The following CACNA1C variants were observed in gnomAD, a reference collection of about 807,000 sequenced individuals.
The protein encoded by CACNA1C is voltage-dependent L-type calcium channel subunit alpha-1C.
Under a neutral mutation model 229.0 loss-of-function variants are expected in CACNA1C, and 30 were observed. The observed-to-expected ratio is 0.13, with a 90% CI of 0.10 to 0.18. The LOEUF (loss-of-function observed/expected upper bound fraction) is 0.18, where lower values mean the gene tolerates loss of function less well. CACNA1C is among the 10% of genes least tolerant of loss of function. CACNA1C has a pLI of 1.00. For missense variants in CACNA1C, 1,658 were observed against 2,845.0 expected (o/e 0.58, Z 9.49); for synonymous variants, 1,114 against 1,132.5 (o/e 0.98, Z 0.33).
chr12:2,409,498 A>G (rs759165400), intron 3 of CACNA1C, among the ~76,000 whole-genome samples: 2 of 152,240 alleles, frequency 1.3e-5, no homozygotes, highest in African/African-American at 2.4e-5. Context: ...GCTGATGGAT[A>G]TATTAACCAG....
At chr12:2,565,421 T>G (rs562842646) in intron 11 of CACNA1C, among the ~76,000 whole-genome samples, 2 of 147,666 alleles carry the variant, frequency 1.4e-5, no homozygotes, top group East Asian at 2.0e-4. Context: ...GAGCCGAGAT[T>G]GCGCCACTGC....
chr12:2,025,268 T>C (rs1253283366), intron 1 of CACNA1C, among the ~76,000 whole-genome samples: 3 of 152,228 alleles, frequency 2.0e-5, no homozygotes, highest in African/African-American at 7.2e-5. Flanking sequence ...TCCATGGTTC[T>C]GCGTTCCACA....
intron 3 of CACNA1C, among the ~76,000 whole-genome samples, chr12:2,207,894 G>A (rs2097797515): frequency 6.6e-6 from 1 of 152,112 alleles, no homozygotes; most frequent in African/African-American, 2.4e-5. Flanking sequence ...TTTCGGGAAA[G>A]TCTTATTGAT....
At chr12:2,179,547 A>G (rs2096769307) in intron 3 of CACNA1C, among the ~76,000 whole-genome samples, 1 of 152,170 alleles carries the variant, frequency 6.6e-6, no homozygotes, top group African/African-American at 2.4e-5. Flanking sequence ...AATACTGAAC[A>G]TTGACCCAGA....
chr12:2,664,362 C>A (rs1022682171), intron 34 of CACNA1C, among the ~76,000 whole-genome samples: 1 of 152,142 alleles, frequency 6.6e-6, no homozygotes, highest in Non-Finnish European at 1.5e-5. Context: ...GTTTAACTGG[C>A]AATTCCACTT....
intron 3 of CACNA1C, among the ~76,000 whole-genome samples, chr12:2,131,713 T>C (rs1036674287): frequency 2.0e-5 from 3 of 148,670 alleles, no homozygotes; most frequent in African/African-American, 7.5e-5. Flanking sequence ...TGTAGCCTTG[T>C]AGTAAAGTTT....
At chr12:2,372,395 T>C (rs1327096330) in intron 3 of CACNA1C, among the ~76,000 whole-genome samples, 1 of 152,194 alleles carries the variant, frequency 6.6e-6, no homozygotes, top group East Asian at 1.9e-4. Flanking sequence ...TCTGTTGCCA[T>C]GACGCTGGGG....
chr12:2,027,994 G>A (rs1247416082), intron 1 of CACNA1C, among the ~76,000 whole-genome samples: 1 of 152,178 alleles, frequency 6.6e-6, no homozygotes, highest in Non-Finnish European at 1.5e-5. Context: ...TCCGTCCTTG[G>A]TATGATCCCC....
At position 2,053,126 on chromosome 12, in the gene CACNA1C, G is replaced by A. The variant is rs1002704849; in HGVS notation, c.-437G>A. On this transcript the variant is annotated 5_prime_UTR_variant, in exon 1 of 47. Coordinates refer to ENST00000399655, the MANE Select transcript of CACNA1C (RefSeq NM_000719.7). The surrounding 1 kb of genome is among the most constrained non-coding windows in gnomAD (Gnocchi z 5.8). ...CGGCTCCCTTTGACAGCAGAGAGCC[G>A]GGCAGGGGCCTCAGGAGGACTCGCT... The A allele has an allele frequency of 1.0e-6, 1 of 984,720 alleles. No individual in the cohort carries two copies. Among genetic ancestry groups the A allele is most frequent in the African/African-American group, 1.8e-5 (1 of 57,142 alleles). 61.0% of individuals were successfully genotyped at this position (984,720 alleles called of 1,614,324 possible).
intron 4 of CACNA1C, among the ~76,000 whole-genome samples, chr12:2,454,079 T>C (rs2099401369): frequency 6.6e-6 from 1 of 152,160 alleles, no homozygotes; most frequent in Non-Finnish European, 1.5e-5. Flanking sequence ...CCTGGAGCCC[T>C]CCAGTTTTGA....
intron 9 of CACNA1C, among the ~76,000 whole-genome samples, chr12:2,519,212 C>T (rs1429068887): frequency 6.6e-6 from 1 of 152,236 alleles, no homozygotes; most frequent in East Asian, 1.9e-4. Flanking sequence ...CTTCTTGGGG[C>T]TGCCTTTAAT....
intron 3 of CACNA1C, among the ~76,000 whole-genome samples, chr12:2,368,210 A>G (rs1303114187): frequency 6.6e-6 from 1 of 152,236 alleles, no homozygotes; most frequent in Non-Finnish European, 1.5e-5. Flanking sequence ...GCAAACATTT[A>G]GTGATGATGT....
chr12:2,211,741 A>G (rs1453256799), intron 3 of CACNA1C, among the ~76,000 whole-genome samples: 7 of 133,512 alleles, frequency 5.2e-5, no homozygotes, highest in African/African-American at 2.1e-4. Flanking sequence ...TTTTTGAGAC[A>G]GAGTCTTGCT....
At chr12:1,982,690 G>A (rs1017595725) in intron 1 of CACNA1C, among the ~76,000 whole-genome samples, 5 of 151,862 alleles carry the variant, frequency 3.3e-5, no homozygotes, top group Admixed American at 2.6e-4. Flanking sequence ...TTTTTTGTTC[G>A]CATTTTGCTG....
At chr12:2,503,574 G>C (rs1203535109) in intron 7 of CACNA1C, among the ~76,000 whole-genome samples, 1 of 152,188 alleles carries the variant, frequency 6.6e-6, no homozygotes, top group African/African-American at 2.4e-5. Flanking sequence ...TTTATTGCTT[G>C]CCTATCTCTG....
In CACNA1C at chr12:2,219,170, C is replaced by T. The variant is rs540642631; in HGVS notation, c.477+98740C>T. 5.3e-5 allele frequency among the ~76,000 whole-genome samples: 8 copies of T among 152,338 alleles called. No homozygotes were observed. In the South Asian group the frequency reaches 1.0e-3, roughly 20 times the overall value. On this transcript the variant is annotated intron_variant, in intron 3 of 46. Transcript: ENST00000399655. ...GGTCATAAGCGCCATGGCTGCTGGA[C>T]GCTTCTCTCCCTTTGTGGAGCTCTG...
intron 1 of CACNA1C, among the ~76,000 whole-genome samples, chr12:2,042,532 C>T (rs1187330655): frequency 6.6e-6 from 1 of 152,118 alleles, no homozygotes; most frequent in Non-Finnish European, 1.5e-5. Context: ...TTCTAGACAC[C>T]TGTATTTCAA....
At chr12:2,363,557 T>A (rs1424493150) in intron 3 of CACNA1C, among the ~76,000 whole-genome samples, 2 of 152,184 alleles carry the variant, frequency 1.3e-5, no homozygotes, top group African/African-American at 4.8e-5. Flanking sequence ...GGGTTCCCAG[T>A]GGGGGAGTGC....
chr12:1,973,675 T>C (rs1430579068), intron 1 of CACNA1C, among the ~76,000 whole-genome samples: 1 of 152,208 alleles, frequency 6.6e-6, no homozygotes. Context: ...CGTATACTAA[T>C]TTCCTAGTTT....
Sources: allele counts gnomAD v4.1 joint callset (sites outside exome capture counted in the v4.1 genomes callset), GRCh38; gene constraint gnomAD v4.1.1; non-coding constraint Gnocchi (gnomAD v3.1); transcripts MANE v1.5; gene names NCBI Gene and HGNC (gene_info 2026-07-23, HGNC 2026-07-21).